C4orf51: variants seen among roughly 807,000 people sequenced by gnomAD.
C4orf51 encodes uncharacterized protein C4orf51.
A neutral mutation model predicts 25.2 loss-of-function variants in C4orf51; 25 were observed. That is an observed-to-expected ratio of 0.99 (90% CI 0.72 to 1.39). C4orf51 has a LOEUF of 1.39. C4orf51 is among the 40% of genes most tolerant of loss of function. The probability of loss-of-function intolerance (pLI) is 0.00; values close to 1 mark genes in which losing one functional copy is unlikely to be tolerated. For synonymous variants in C4orf51, 100 were observed against 84.5 expected, an observed-to-expected ratio of 1.18 and a Z score of -1.01; for missense variants, 252 against 239.6, an observed-to-expected ratio of 1.05 and a Z score of -0.34.
At chr4:145,757,604 C>T (rs748946813), downstream of C4orf51, 4 of 141,826 alleles carry the variant, frequency 2.8e-5, no homozygotes, top group Non-Finnish European at 6.2e-5. Context: ...GATGGCAAAC[C>T]AAAAAAGAAA....
intron 1 of C4orf51, among the ~76,000 whole-genome samples, chr4:145,688,944 A>G (rs1352597108): frequency 6.6e-6 from 1 of 152,198 alleles, no homozygotes; most frequent in Non-Finnish European, 1.5e-5. Context: ...ACCAACAACA[A>G]ACATATTATA....
At chr4:145,770,299 A>AAAAAAAAT (rs1736050203) in intron 1 of C4orf51, among the ~76,000 whole-genome samples, 1 of 87,210 alleles carries the variant, frequency 1.1e-5, no homozygotes, top group Non-Finnish European at 3.2e-5. Context: ...ACCCTGTCTT[A>AAAAAAAAT]AAATAAATAA....
chr4:145,732,350 A>T (rs1339208936), intron 5 of C4orf51, 103 bp from the exon 6 acceptor site: 2 of 685,442 alleles, frequency 2.9e-6, no homozygotes, highest in East Asian at 5.5e-5. Flanking sequence ...TCTCCTGCTC[A>T]TGAATGATGT....
intron 1 of C4orf51, 107 bp downstream of exon 1, chr4:145,680,543 C>T: frequency 1.3e-6 from 1 of 780,346 alleles, no homozygotes; most frequent in Non-Finnish European, 2.0e-6. Context: ...TAGACTTTAA[C>T]CCTCTGTATT....
chr4:145,747,165 T>C (rs1733413091), intron 1 of C4orf51, among the ~76,000 whole-genome samples: 1 of 152,088 alleles, frequency 6.6e-6, no homozygotes, highest in Non-Finnish European at 1.5e-5. Context: ...TTAACTTCTT[T>C]CTTTCCAATT....
Position 145,762,446 on chromosome 4 carries a change from AC to A in C4orf51, n.167-8540del, listed in dbSNP as rs1734681119. On this transcript the variant is annotated intron_variant and non_coding_transcript_variant, in intron 1 of 1. Coordinates refer to the C4orf51 transcript ENST00000510096. The surrounding 1 kb of genome is among the most constrained non-coding windows in gnomAD (Gnocchi z 4.9). ...GGATTGGAAATTCTCAGAGGGCAGG[AC>A]CATATCTTACATTTCCTCTGCATTC... 6.6e-6 allele frequency among the ~76,000 whole-genome samples: 1 copy of A among 152,210 alleles called. No homozygotes were observed. Among genetic ancestry groups the A allele is most frequent in the African/African-American group, 2.4e-5 (1 of 41,454 alleles).
At chr4:145,786,720 G>A in the C4orf51 span, among the ~76,000 whole-genome samples, 3 of 152,222 alleles carry the variant, frequency 2.0e-5, no homozygotes, top group Non-Finnish European at 4.4e-5. Flanking sequence ...ACCACCTTCT[G>A]AGGGCTGCTT....
At chr4:145,751,211 C>G (rs917857214) in intron 1 of C4orf51, among the ~76,000 whole-genome samples, 7 of 152,134 alleles carry the variant, frequency 4.6e-5, no homozygotes, top group Non-Finnish European at 1.0e-4. Context: ...GGATGTTCAA[C>G]AATGTCTAGG....
chr4:145,697,867 T>A (rs1217999906), intron 2 of C4orf51, among the ~76,000 whole-genome samples: 1 of 152,260 alleles, frequency 6.6e-6, no homozygotes, highest in Non-Finnish European at 1.5e-5. Context: ...CCTTTGGATA[T>A]GTATCAGTAG....
intron 1 of C4orf51, among the ~76,000 whole-genome samples, chr4:145,747,048 T>C (rs1733407224): frequency 6.6e-6 from 1 of 152,188 alleles, no homozygotes; most frequent in Non-Finnish European, 1.5e-5. Flanking sequence ...TTTTGTACGT[T>C]GATTTTGTAT....
chr4:145,733,997 T>C (rs1475410578), downstream of C4orf51, among the ~76,000 whole-genome samples: 2 of 152,210 alleles, frequency 1.3e-5, no homozygotes, highest in Non-Finnish European at 2.9e-5. Flanking sequence ...ATTCATCATT[T>C]GTTTTTTACT....
intron 1 of C4orf51, among the ~76,000 whole-genome samples, chr4:145,741,617 A>T (rs1019309492): frequency 2.6e-5 from 4 of 152,216 alleles, no homozygotes; most frequent in Admixed American, 6.5e-5. Flanking sequence ...GGAAAAGGTT[A>T]GATTTCCCTG....
intron 1 of C4orf51, among the ~76,000 whole-genome samples, chr4:145,745,214 C>T (rs1016254506): frequency 6.6e-6 from 1 of 151,942 alleles, no homozygotes; most frequent in African/African-American, 2.4e-5. Flanking sequence ...CTTTGTGTTG[C>T]AAACAATCCA....
At position 145,729,874 on chromosome 4, in the gene C4orf51, G is replaced by A; in HGVS notation, c.428-18G>A. 1 of 1,607,846 alleles carries A rather than the reference G, an allele frequency of 6.2e-7. No homozygotes were observed. Among genetic ancestry groups the A allele is most frequent in the Non-Finnish European group, 8.5e-7 (1 of 1,174,388 alleles). On this transcript the variant is annotated intron_variant, in intron 4 of 5. Transcript: ENST00000438731. ...CTTTATCGCAAACACTCACACATTG[G>A]CTATCTCTTCACCCTAGGTGTGAGA...
At chr4:145,747,356 TGAG>T (rs1354170805) in intron 1 of C4orf51, among the ~76,000 whole-genome samples, 1 of 151,752 alleles carries the variant, frequency 6.6e-6, no homozygotes, top group African/African-American at 2.4e-5. Flanking sequence ...CTAATTATGT[TGAG>T]GAGTATTCCT....
intron 1 of C4orf51, among the ~76,000 whole-genome samples, chr4:145,746,545 G>A (rs1029719654): frequency 6.6e-6 from 1 of 151,958 alleles, no homozygotes; most frequent in African/African-American, 2.4e-5. Context: ...CATGTTTCTG[G>A]TTCTCTATTT....
chr4:145,713,003 C>T (rs1290822012), intron 2 of C4orf51, among the ~76,000 whole-genome samples: 3 of 152,204 alleles, frequency 2.0e-5, no homozygotes, highest in Non-Finnish European at 4.4e-5. Context: ...GCCCGAATGA[C>T]AGCACATCTG....
intron 1 of C4orf51, chr4:145,760,714 T>G: frequency 4.0e-6 from 4 of 997,956 alleles, no homozygotes; most frequent in South Asian, 2.6e-5. Context: ...GTGTTTAAGT[T>G]TTGTGGTTTT....
chr4:145,753,137 GTT>G (rs1362489824), intron 1 of C4orf51, among the ~76,000 whole-genome samples: 2 of 106,556 alleles, frequency 1.9e-5, no homozygotes, highest in Non-Finnish European at 3.6e-5. Flanking sequence ...CTTTATGAAG[GTT>G]TTGTGTGTGT....
Sources: allele counts gnomAD v4.1 joint callset (sites outside exome capture counted in the v4.1 genomes callset), GRCh38; gene constraint gnomAD v4.1.1; non-coding constraint Gnocchi (gnomAD v3.1); transcripts MANE v1.5; gene names NCBI Gene and HGNC (gene_info 2026-07-23, HGNC 2026-07-21).